The following TMEM163 variants were observed in gnomAD, a reference collection of about 807,000 sequenced individuals.
TMEM163 encodes the protein transmembrane protein 163.
In TMEM163, 17 loss-of-function variants were observed where a neutral mutation model predicts 29.3. The observed-to-expected ratio is 0.58, with a 90% CI of 0.40 to 0.87. The LOEUF is 0.87. TMEM163 is among the 40% of genes least tolerant of loss of function. The pLI, the probability that TMEM163 is intolerant of heterozygous loss-of-function variation, is 0.00. For synonymous variants in TMEM163, 157 were observed against 160.6 expected, an observed-to-expected ratio of 0.98 and a Z score of 0.17; for missense variants, 303 against 381.5, an observed-to-expected ratio of 0.79 and a Z score of 1.71.
Position 134,460,763 on chromosome 2 carries a change from G to A in TMEM163, c.668-2590C>T, listed in dbSNP as rs554381688. 9.2e-5 allele frequency among the ~76,000 whole-genome samples: 14 copies of A among 152,264 alleles called. No individual in the cohort carries two copies. Among genetic ancestry groups the A allele is most frequent in the African/African-American group, 2.9e-4 (12 of 41,556 alleles). On this transcript the variant is annotated intron_variant, in intron 6 of 7. Transcript: ENST00000281924. The surrounding 1 kb of genome is among the most constrained non-coding windows in gnomAD (Gnocchi z 4.3). ...CGCTCTGCCAGCCAGCACCAAGGCC[G>A]GCCCAGCTTGCTATTCCTGACAGCA...
chr2:134,469,257 C>T (rs1686739519), intron 5 of TMEM163: 2 of 152,048 alleles, frequency 1.3e-5, no homozygotes. Flanking sequence ...CTCGGGGGAG[C>T]TCTCGATGGA....
intron 2 of TMEM163, among the ~76,000 whole-genome samples, chr2:134,695,574 GA>G (rs1684561629): frequency 1.3e-5 from 2 of 152,148 alleles, no homozygotes; most frequent in Middle Eastern, 3.4e-3. Context: ...CCTTTTACCT[GA>G]AAAAAGTTAA....
intron 2 of TMEM163, among the ~76,000 whole-genome samples, chr2:134,676,806 T>C (rs928991924): frequency 1.3e-5 from 2 of 152,186 alleles, no homozygotes; most frequent in Admixed American, 6.5e-5. Flanking sequence ...ATATCATACA[T>C]ATACATCTAA....
At chr2:134,633,483 T>C (rs1019998813) in intron 2 of TMEM163, among the ~76,000 whole-genome samples, 1 of 152,184 alleles carries the variant, frequency 6.6e-6, no homozygotes, top group African/African-American at 2.4e-5. Context: ...TTTAATGTCA[T>C]GCAGACTCTT....
chr2:134,581,883 A>G (rs1171632165), intron 2 of TMEM163, among the ~76,000 whole-genome samples: 1 of 152,196 alleles, frequency 6.6e-6, no homozygotes, highest in African/African-American at 2.4e-5. Flanking sequence ...CTGATTCTCC[A>G]TGTTAAATAT....
chr2:134,597,980 T>C (rs949154350), intron 2 of TMEM163, among the ~76,000 whole-genome samples: 25 of 152,250 alleles, frequency 1.6e-4, no homozygotes, highest in African/African-American at 6.0e-4. Flanking sequence ...TCATTTTTTA[T>C]TGTGTCTATT....
Position 134,461,923 on chromosome 2 carries a change from GC to G in TMEM163, c.668-3751del, listed in dbSNP as rs532694332. 4.1e-3 allele frequency among the ~76,000 whole-genome samples: 632 copies of G among 152,320 alleles called. 5 individuals carry two copies. Among genetic ancestry groups the G allele is most frequent in the African/African-American group, 0.011 (447 of 41,572 alleles). On this transcript the variant is annotated intron_variant, in intron 6 of 7. Coordinates refer to ENST00000281924, the MANE Select transcript of TMEM163 (RefSeq NM_030923.5). Reference sequence around the variant, plus strand: ...AGCCATGGCTCCCTGAGCCCATCCTGCCCGCCCACCTTCCAAAGTGAGGAAA... The same window carrying G: ...AGCCATGGCTCCCTGAGCCCATCCTGCCGCCCACCTTCCAAAGTGAGGAAA...
chr2:134,715,290 A>G (rs958279905), intron 1 of TMEM163, among the ~76,000 whole-genome samples: 2 of 152,156 alleles, frequency 1.3e-5, no homozygotes, highest in African/African-American at 2.4e-5. Flanking sequence ...ACCAATCTAC[A>G]TGCTTCACCC....
At chr2:134,555,622 T>C (rs1347089476) in intron 2 of TMEM163, among the ~76,000 whole-genome samples, 1 of 152,244 alleles carries the variant, frequency 6.6e-6, no homozygotes, top group Admixed American at 6.5e-5. Context: ...TGGCCCCATG[T>C]GGTCAGAGTA....
chr2:134,475,435 A>G (rs1421337700), intron 5 of TMEM163, among the ~76,000 whole-genome samples: 1 of 152,176 alleles, frequency 6.6e-6, no homozygotes, highest in Non-Finnish European at 1.5e-5. Context: ...ACCTTGGGTT[A>G]GGCAAAATAT....
chr2:134,562,316 C>T (rs866511300), intron 2 of TMEM163, among the ~76,000 whole-genome samples: 3 of 152,222 alleles, frequency 2.0e-5, no homozygotes, highest in Admixed American at 6.5e-5. Flanking sequence ...AGCACAAGTG[C>T]ATTGTCAGTG....
intron 2 of TMEM163, among the ~76,000 whole-genome samples, chr2:134,589,676 A>C (rs1184901429): frequency 6.6e-6 from 1 of 152,210 alleles, no homozygotes; most frequent in African/African-American, 2.4e-5. Context: ...TTAGCAAATA[A>C]TCAAGAAATA....
chr2:134,541,415 G>A (rs1390250340), intron 4 of TMEM163, among the ~76,000 whole-genome samples: 1 of 152,222 alleles, frequency 6.6e-6, no homozygotes, highest in Non-Finnish European at 1.5e-5. Flanking sequence ...AGCACGGCTC[G>A]ACACTGGTCG....
intron 2 of TMEM163, among the ~76,000 whole-genome samples, chr2:134,597,283 G>A (rs528297009): frequency 6.6e-5 from 10 of 152,162 alleles, no homozygotes; most frequent in African/African-American, 1.7e-4. Flanking sequence ...TTTGAGATAC[G>A]TCCTATCAAT....
At chr2:134,550,394 C>T (rs968557207) in intron 4 of TMEM163, among the ~76,000 whole-genome samples, 176 bp downstream of exon 4, 1 of 152,162 alleles carries the variant, frequency 6.6e-6, no homozygotes, top group Non-Finnish European at 1.5e-5. Flanking sequence ...CTCTGACCAT[C>T]CCAAGAGGAC....
intron 2 of TMEM163, among the ~76,000 whole-genome samples, chr2:134,648,631 G>T (rs1271295694): frequency 6.6e-6 from 1 of 152,144 alleles, no homozygotes; most frequent in African/African-American, 2.4e-5. Flanking sequence ...AAAGATTGTT[G>T]TATTTACTTT....
At chr2:134,564,706 T>G (rs1355105800) in intron 2 of TMEM163, among the ~76,000 whole-genome samples, 1 of 152,146 alleles carries the variant, frequency 6.6e-6, no homozygotes, top group Non-Finnish European at 1.5e-5. Context: ...TTAACAAGCT[T>G]CATGAAAGAT....
chr2:134,718,242 C>T (rs1028533026), intron 1 of TMEM163, among the ~76,000 whole-genome samples: 1 of 152,204 alleles, frequency 6.6e-6, no homozygotes, highest in East Asian at 1.9e-4. Context: ...TTCGCCGGGG[C>T]GGGCAGCCGG....
intron 2 of TMEM163, among the ~76,000 whole-genome samples, chr2:134,665,831 TCAAGAGCATTAAA>T (rs1452047489): frequency 1.3e-5 from 2 of 152,132 alleles, no homozygotes; most frequent in Non-Finnish European, 2.9e-5. Flanking sequence ...CAAAGCACTC[TCAAGAGCATTAAA>T]CAAGATACTG....
Sources: allele counts gnomAD v4.1 joint callset (sites outside exome capture counted in the v4.1 genomes callset), GRCh38; gene constraint gnomAD v4.1.1; non-coding constraint Gnocchi (gnomAD v3.1); transcripts MANE v1.5; gene names NCBI Gene and HGNC (gene_info 2026-07-23, HGNC 2026-07-21).